C12orf42: variants seen among roughly 807,000 people sequenced by gnomAD.
C12orf42 encodes uncharacterized protein C12orf42.
In C12orf42, 25 loss-of-function variants were observed where a neutral mutation model predicts 21.6. That is an observed-to-expected ratio of 1.16 (90% CI 0.84 to 1.62). The LOEUF is 1.62. Ranked by LOEUF, C12orf42 falls within the 40% of genes most tolerant of loss-of-function variation. The pLI, the probability that C12orf42 is intolerant of heterozygous loss-of-function variation, is 0.00. For missense variants in C12orf42, 483 were observed against 459.3 expected (o/e 1.05, Z -0.47); for synonymous variants, 174 against 175.0 (o/e 0.99, Z 0.05).
the C12orf42 span, among the ~76,000 whole-genome samples, chr12:103,221,126 A>C: frequency 6.6e-6 from 1 of 152,224 alleles, no homozygotes; most frequent in African/African-American, 2.4e-5. Context: ...AAAGCCATAT[A>C]CATGTTTGAA....
the C12orf42 span, among the ~76,000 whole-genome samples, chr12:103,217,838 T>C: frequency 6.6e-6 from 1 of 152,156 alleles, no homozygotes. Context: ...CATCAATCTG[T>C]CCCTTCCTAG....
intron 2 of C12orf42, among the ~76,000 whole-genome samples, chr12:103,417,997 T>C (rs2139054595): frequency 6.6e-6 from 1 of 152,356 alleles, no homozygotes; most frequent in East Asian, 1.9e-4. Context: ...AATTCAACTT[T>C]GTTCATAGAG....
chr12:103,363,815 A>C (rs966688651), intron 4 of C12orf42, among the ~76,000 whole-genome samples: 19 of 152,254 alleles, frequency 1.2e-4, no homozygotes, highest in African/African-American at 4.3e-4. Context: ...ATATATATGC[A>C]CCTGACACTG....
chr12:103,526,015 A>C, the C12orf42 span, among the ~76,000 whole-genome samples: 2 of 152,154 alleles, frequency 1.3e-5, no homozygotes, highest in Non-Finnish European at 2.9e-5. Context: ...AAAAGAGTGA[A>C]GTTCTGTCTC....
intron 4 of C12orf42, among the ~76,000 whole-genome samples, chr12:103,283,400 G>A (rs1425079934): frequency 6.6e-6 from 1 of 152,148 alleles, no homozygotes; most frequent in Non-Finnish European, 1.5e-5. Flanking sequence ...TGTGTTCAGA[G>A]CCCATCCCAC....
intron 4 of C12orf42, among the ~76,000 whole-genome samples, chr12:103,360,171 T>A (rs1444221493): frequency 7.0e-6 from 1 of 143,310 alleles, no homozygotes; most frequent in Non-Finnish European, 1.5e-5. Context: ...TTAGAGACAG[T>A]GGATGAAGGG....
intron 3 of C12orf42, among the ~76,000 whole-genome samples, chr12:103,379,153 C>T (rs553666979): frequency 6.6e-6 from 1 of 152,172 alleles, no homozygotes; most frequent in Non-Finnish European, 1.5e-5. Flanking sequence ...AATCAGCTTT[C>T]TGAAGTTGTT....
intron 3 of C12orf42, among the ~76,000 whole-genome samples, chr12:103,400,556 C>T (rs2047908540): frequency 6.6e-6 from 1 of 152,202 alleles, no homozygotes; most frequent in Non-Finnish European, 1.5e-5. Flanking sequence ...AGGTGCCTTA[C>T]TTAGCTATAT....
At chr12:103,435,490 T>C (rs1362485468) in intron 2 of C12orf42, among the ~76,000 whole-genome samples, 1 of 152,084 alleles carries the variant, frequency 6.6e-6, no homozygotes, top group East Asian at 1.9e-4. Context: ...GGCAAAGAAG[T>C]TGAAAACTTT....
chr12:103,281,877 G>T (rs924930840), intron 4 of C12orf42, among the ~76,000 whole-genome samples: 1 of 134,124 alleles, frequency 7.5e-6, no homozygotes, highest in Admixed American at 7.7e-5. Context: ...AGAGAGAAAA[G>T]AGAAAGAAAG....
At chr12:103,340,962 A>C (rs1189384577) in intron 4 of C12orf42, among the ~76,000 whole-genome samples, 1 of 151,922 alleles carries the variant, frequency 6.6e-6, no homozygotes, top group East Asian at 1.9e-4. Context: ...AAATACAAAA[A>C]ATTAGCCAGA....
At chr12:103,388,709 T>G (rs773717812) in intron 3 of C12orf42, among the ~76,000 whole-genome samples, 2 of 152,156 alleles carry the variant, frequency 1.3e-5, no homozygotes, top group African/African-American at 2.4e-5. Flanking sequence ...CAAATGGAAA[T>G]GAAGAGACAC....
intron 3 of C12orf42, among the ~76,000 whole-genome samples, chr12:103,373,417 T>C (rs1425734129): frequency 6.6e-6 from 1 of 152,226 alleles, no homozygotes; most frequent in Non-Finnish European, 1.5e-5. Flanking sequence ...ATGTTGATTT[T>C]GGGGCTGTGC....
At chr12:103,226,148 C>T in the C12orf42 span, among the ~76,000 whole-genome samples, 6 of 152,214 alleles carry the variant, frequency 3.9e-5, no homozygotes, top group East Asian at 7.7e-4. Flanking sequence ...TTGTAGCAAG[C>T]TCCTGGGGGA....
intron 4 of C12orf42, among the ~76,000 whole-genome samples, chr12:103,343,867 C>G (rs531837397): frequency 6.6e-6 from 1 of 152,034 alleles, no homozygotes; most frequent in African/African-American, 2.4e-5. Flanking sequence ...ACTAATACCC[C>G]AATTAAAACA....
the C12orf42 span, among the ~76,000 whole-genome samples, chr12:103,555,407 C>T: frequency 6.6e-6 from 1 of 152,052 alleles, no homozygotes; most frequent in Non-Finnish European, 1.5e-5. Flanking sequence ...GAAAGACCTG[C>T]CCCCATGATT....
chr12:103,144,380 C>T, the C12orf42 span, among the ~76,000 whole-genome samples: 1 of 152,180 alleles, frequency 6.6e-6, no homozygotes, highest in African/African-American at 2.4e-5. Flanking sequence ...TTTATCGCTC[C>T]AGAGGCTACT....
At chr12:103,510,429 A>C in the C12orf42 span, among the ~76,000 whole-genome samples, 1 of 152,164 alleles carries the variant, frequency 6.6e-6, no homozygotes, top group South Asian at 2.1e-4. Context: ...GGTGATGGGC[A>C]CACCAAAATC....
At chr12:103,561,233 G>A in the C12orf42 span, among the ~76,000 whole-genome samples, 2 of 152,174 alleles carry the variant, frequency 1.3e-5, no homozygotes, top group African/African-American at 2.4e-5. Flanking sequence ...ATTCTCACAC[G>A]AACCAGAGCA....
Sources: gnomAD v4.1 joint callset for allele counts (sites outside exome capture counted in the v4.1 genomes callset) on GRCh38, gnomAD v4.1.1 for gene constraint, MANE v1.5 for transcripts, NCBI Gene and HGNC (gene_info 2026-07-23, HGNC 2026-07-21) for gene names.